The following ZSCAN25 variants were observed in gnomAD, a reference collection of about 807,000 sequenced individuals.
ZSCAN25 encodes the protein zinc finger and SCAN domain-containing protein 25.
A neutral mutation model predicts 38.7 loss-of-function variants in ZSCAN25; 27 were observed. The observed-to-expected ratio is 0.70, with a 90% CI of 0.51 to 0.96. The LOEUF is 0.96. Among genes scored for constraint, ZSCAN25 ranks in the 40% least tolerant of loss-of-function variants. The pLI, the probability that ZSCAN25 is intolerant of heterozygous loss-of-function variation, is 0.00. For missense variants in ZSCAN25, 637 were observed against 705.9 expected, an observed-to-expected ratio of 0.90 and a Z score of 1.11; for synonymous variants, 273 against 277.7, an observed-to-expected ratio of 0.98 and a Z score of 0.17.
intron 1 of ZSCAN25, among the ~76,000 whole-genome samples, chr7:99,617,632 C>G (rs1268234945): frequency 6.6e-6 from 1 of 152,200 alleles, no homozygotes; most frequent in East Asian, 1.9e-4. Context: ...GTAGTCCCAG[C>G]TACTCGGGAG....
the ZSCAN25 span, among the ~76,000 whole-genome samples, chr7:99,708,318 T>A: frequency 3.9e-5 from 6 of 152,190 alleles, no homozygotes; most frequent in Admixed American, 1.3e-4. Flanking sequence ...GAAAAGTAGA[T>A]TCCTGCCTCA....
the ZSCAN25 span, among the ~76,000 whole-genome samples, chr7:99,637,888 A>G: frequency 6.6e-6 from 1 of 152,222 alleles, no homozygotes; most frequent in Non-Finnish European, 1.5e-5. Flanking sequence ...AAAAAAGGAA[A>G]AAAGCATACA....
In ZSCAN25 at chr7:99,621,561, CT is replaced by C; in HGVS notation, c.578del (p.Phe193SerfsTer18). On this transcript the variant is annotated frameshift_variant, in exon 5 of 8. Coordinates refer to ENST00000394152, the MANE Select transcript of ZSCAN25 (RefSeq NM_145115.3). LOFTEE classifies it high-confidence loss of function. ...AGGACCCTGGAGATGAGACACGGGCCTTCCAGGAGCAAGGTGAGTAAGACGC... is the reference window on the plus strand; with the variant it reads ...AGGACCCTGGAGATGAGACACGGGCCTCCAGGAGCAAGGTGAGTAAGACGC... ...SQDPGDETRA[F>X]QEQALPVLQA... is the part of the protein sequence containing the mutation. The C allele has an allele frequency of 6.8e-7, 1 of 1,465,648 alleles. No individual in the cohort carries two copies. Among genetic ancestry groups the C allele is most frequent in the Non-Finnish European group, 9.2e-7 (1 of 1,092,788 alleles). 90.8% of individuals were successfully genotyped at this position (1,465,648 alleles called of 1,614,324 possible). A position where few individuals can be genotyped will look rare whatever the true frequency, so the allele number is the denominator to read the frequency against.
downstream of ZSCAN25, among the ~76,000 whole-genome samples, chr7:99,632,989 G>GTTGTTTTTTTTTTTTTTTTTTTTTTTT (rs1554412109): frequency 2.4e-4 from 31 of 128,546 alleles, no homozygotes; most frequent in African/African-American, 9.0e-4. Context: ...ATTTTCTGTT[G>GTTGTTTTTTTTTTTTTTTTTTTTTTTT]TTTTTTTTTT....
At chr7:99,659,249 G>A in the ZSCAN25 span, 1 of 152,222 alleles carries the variant, frequency 6.6e-6, no homozygotes, top group East Asian at 1.9e-4. Flanking sequence ...GTACAGATGG[G>A]TTTTGGTGTG....
At chr7:99,689,271 A>G in the ZSCAN25 span, among the ~76,000 whole-genome samples, 1 of 152,190 alleles carries the variant, frequency 6.6e-6, no homozygotes, top group East Asian at 1.9e-4. Flanking sequence ...GAACGCTAGC[A>G]AGACTAATAA....
the ZSCAN25 span, among the ~76,000 whole-genome samples, chr7:99,699,706 A>G: frequency 1.3e-5 from 2 of 152,188 alleles, no homozygotes; most frequent in Admixed American, 1.3e-4. Flanking sequence ...ATCTAAGCTA[A>G]TCAAATCATT....
chr7:99,679,388 A>G, the ZSCAN25 span, among the ~76,000 whole-genome samples: 5 of 152,158 alleles, frequency 3.3e-5, no homozygotes, highest in African/African-American at 1.2e-4. Context: ...CATCCCTTCC[A>G]GCAGACACAG....
intron 4 of ZSCAN25, chr7:99,620,766 T>G (rs1272482624): frequency 6.6e-6 from 1 of 152,192 alleles, no homozygotes; most frequent in African/African-American, 2.4e-5. Context: ...TCTTTTTAAT[T>G]TATTATTTTT....
chr7:99,643,490 C>T, the ZSCAN25 span, among the ~76,000 whole-genome samples: 3 of 151,862 alleles, frequency 2.0e-5, no homozygotes, highest in African/African-American at 7.3e-5. Flanking sequence ...TTCACCATTA[C>T]AGCAAATGCA....
rs1411594660 is a variant in ZSCAN25, at chr7:99,631,020, G to A, written c.*1000G>A. 1 of 958,758 alleles carries A rather than the reference G, an allele frequency of 1.0e-6. No individual in the cohort carries two copies. Among genetic ancestry groups the A allele is most frequent in the East Asian group, 1.2e-4 (1 of 8,686 alleles). 59.4% of individuals were successfully genotyped at this position (958,758 alleles called of 1,614,324 possible). On this transcript the variant is annotated 3_prime_UTR_variant, in exon 8 of 8. Transcript: ENST00000394152. ...TTTATTGAGGCCCTGTAACAAACAT[G>A]TCAGGAACTCTTCTGGGTGCTTGAG...
At position 99,619,821 on chromosome 7, in the gene ZSCAN25, G is replaced by A. The variant is rs1806787117; in HGVS notation, c.215G>A (p.Arg72Lys). 1 of 1,614,156 alleles carries A rather than the reference G, an allele frequency of 6.2e-7. No homozygotes were observed. The highest frequency in any genetic ancestry group is 1.7e-5 in the Admixed American group (1 of 60,014). Residue 72 changes from arginine (R) to lysine (K), a missense_variant, in exon 4 of 8, where the codon AGG becomes AAG. Transcript: ENST00000394152. ...CAGGAGCTCTGTCGTCGGTGGCTGAGGCCCGAGTTGCACACCAAGGAGCAG... is the reference window on the plus strand; with the variant it reads ...CAGGAGCTCTGTCGTCGGTGGCTGAAGCCCGAGTTGCACACCAAGGAGCAG... ...ELQELCRRWL[R>K]PELHTKEQIL...
At chr7:99,726,334 A>G in the ZSCAN25 span, among the ~76,000 whole-genome samples, 1 of 152,198 alleles carries the variant, frequency 6.6e-6, no homozygotes, top group Admixed American at 6.5e-5. Context: ...TCTAAAGCCT[A>G]CAAACTCTCC....
At chr7:99,732,692 A>G in the ZSCAN25 span, among the ~76,000 whole-genome samples, 1 of 152,182 alleles carries the variant, frequency 6.6e-6, no homozygotes, top group African/African-American at 2.4e-5. Flanking sequence ...CCAGCCATCA[A>G]TTCAACCATG....
the ZSCAN25 span, among the ~76,000 whole-genome samples, chr7:99,735,438 A>C: frequency 6.6e-6 from 1 of 151,902 alleles, no homozygotes; most frequent in East Asian, 1.9e-4. Context: ...CTTATCACAA[A>C]CTCAAGTGGA....
At position 99,622,810 on chromosome 7, in the gene ZSCAN25, C is replaced by T. The variant is rs185716461; in HGVS notation, c.681+170C>T. 9.3e-4 allele frequency among the ~76,000 whole-genome samples: 142 copies of T among 152,266 alleles called. 2 individuals carry two copies. The highest frequency in any genetic ancestry group is 1.2e-3 in the Admixed American group (18 of 15,296). On this transcript the variant is annotated intron_variant, in intron 6 of 7. Coordinates refer to ENST00000394152, the MANE Select transcript of ZSCAN25 (RefSeq NM_145115.3). ...TGGTTTCCTCCACTGAACCATCAGC[C>T]GCAGTTGTTAATTTACATCGAACCT...
At chr7:99,639,496 C>T in the ZSCAN25 span, among the ~76,000 whole-genome samples, 4 of 152,200 alleles carry the variant, frequency 2.6e-5, no homozygotes, top group Non-Finnish European at 4.4e-5. Context: ...GCTTTTGGTT[C>T]CTGTCAGGTA....
intron 1 of ZSCAN25, 26 bp downstream of exon 1, chr7:99,617,042 G>C (rs1274881672): frequency 1.3e-5 from 2 of 152,300 alleles, no homozygotes; most frequent in Non-Finnish European, 2.9e-5. Context: ...GGGCCGCAGC[G>C]GGTGGCGGGC....
At chr7:99,660,786 G>T in the ZSCAN25 span, 1 of 1,149,040 alleles carries the variant, frequency 8.7e-7, no homozygotes, top group Non-Finnish European at 1.2e-6. Context: ...AAGTCACACT[G>T]GGAGTGGTTT....
Sources: allele counts gnomAD v4.1 joint callset (sites outside exome capture counted in the v4.1 genomes callset), GRCh38; gene constraint gnomAD v4.1.1; transcripts MANE v1.5; gene names NCBI Gene and HGNC (gene_info 2026-07-23, HGNC 2026-07-21).